The following MIPEP variants were observed in gnomAD, a reference collection of about 807,000 sequenced individuals.
The protein encoded by MIPEP is mitochondrial intermediate peptidase.
Under a neutral mutation model 90.3 loss-of-function variants are expected in MIPEP, and 79 were observed. The observed-to-expected ratio is 0.87, with a 90% CI of 0.73 to 1.05. The LOEUF (loss-of-function observed/expected upper bound fraction) is 1.05. Among genes scored for constraint, MIPEP ranks in the 50% least tolerant of loss-of-function variants. MIPEP has a pLI of 0.00. For synonymous variants in MIPEP, 334 were observed against 315.8 expected, an observed-to-expected ratio of 1.06 and a Z score of -0.61; for missense variants, 940 against 905.6, an observed-to-expected ratio of 1.04 and a Z score of -0.49.
At chr13:23,867,072 A>T (rs1317307977) in intron 7 of MIPEP, among the ~76,000 whole-genome samples, 2 of 152,046 alleles carry the variant, frequency 1.3e-5, no homozygotes, top group African/African-American at 4.8e-5. Context: ...GCCCTCTTCT[A>T]CCCTGGCCCT....
chr13:23,820,301 C>T (rs1236489861), intron 14 of MIPEP, among the ~76,000 whole-genome samples: 1 of 152,160 alleles, frequency 6.6e-6, no homozygotes, highest in Admixed American at 6.5e-5. Context: ...GAAATTCACT[C>T]AAGTAAACAC....
At chr13:23,869,472 A>G in intron 6 of MIPEP, 24 bp from the exon 7 acceptor site, 1 of 1,583,218 alleles carries the variant, frequency 6.3e-7, no homozygotes, top group South Asian at 1.2e-5. Flanking sequence ...GTAAATGGTG[A>G]AGGCTATAAA....
At chr13:23,829,969 G>C (rs1188383300) in intron 14 of MIPEP, among the ~76,000 whole-genome samples, 1 of 152,174 alleles carries the variant, frequency 6.6e-6, no homozygotes, top group African/African-American at 2.4e-5. Flanking sequence ...AGTCAATGAG[G>C]ATGCTGCACG....
chr13:23,843,959 TG>T (rs1289544853), intron 10 of MIPEP, among the ~76,000 whole-genome samples: 3 of 152,010 alleles, frequency 2.0e-5, no homozygotes, highest in African/African-American at 4.8e-5. Context: ...GAGGGGAATC[TG>T]GGTGTGTTTG....
chr13:23,787,359 A>G (rs1411396439), intron 16 of MIPEP, among the ~76,000 whole-genome samples: 1 of 151,144 alleles, frequency 6.6e-6, no homozygotes, highest in Non-Finnish European at 1.5e-5. Context: ...GCATCCTCAC[A>G]TGGTAGGGTG....
chr13:23,771,898 A>G (rs1016558754), intron 16 of MIPEP, among the ~76,000 whole-genome samples: 3 of 152,184 alleles, frequency 2.0e-5, no homozygotes, highest in Admixed American at 2.0e-4. Context: ...AGTACATCCT[A>G]TTAACTTTCC....
At chr13:23,741,721 G>A (rs1952330975) in intron 18 of MIPEP, among the ~76,000 whole-genome samples, 1 of 151,626 alleles carries the variant, frequency 6.6e-6, no homozygotes, top group Non-Finnish European at 1.5e-5. Flanking sequence ...TGGGTACTAG[G>A]CTTAGTACCT....
At chr13:23,822,939 G>T (rs1953325462) in intron 14 of MIPEP, among the ~76,000 whole-genome samples, 1 of 151,504 alleles carries the variant, frequency 6.6e-6, no homozygotes, top group South Asian at 2.1e-4. Flanking sequence ...AGGCTGGAGT[G>T]CAGTGGCATG....
chr13:23,781,968 A>C (rs534849387), intron 16 of MIPEP, among the ~76,000 whole-genome samples: 1 of 152,126 alleles, frequency 6.6e-6, no homozygotes, highest in African/African-American at 2.4e-5. Context: ...GTCCTTAGAG[A>C]TCTACAAAGA....
chr13:23,788,105 A>T (rs1952866824), intron 16 of MIPEP, among the ~76,000 whole-genome samples: 2 of 152,340 alleles, frequency 1.3e-5, no homozygotes, highest in Admixed American at 1.3e-4. Flanking sequence ...AATACTGTGA[A>T]AAATATAAAA....
chr13:23,879,441 C>T (rs1871197405), intron 3 of MIPEP, 87 bp from the exon 4 acceptor site: 1 of 709,424 alleles, frequency 1.4e-6, no homozygotes, highest in South Asian at 1.7e-5. Context: ...TCAGCTTGTA[C>T]CACACACATG....
chr13:23,777,509 A>G (rs537249665), intron 16 of MIPEP, among the ~76,000 whole-genome samples: 4 of 152,356 alleles, frequency 2.6e-5, no homozygotes, highest in Non-Finnish European at 5.9e-5. Context: ...ACAGTATTGT[A>G]CCACAGTTAA....
In MIPEP at chr13:23,882,796, G is replaced by A. The variant is rs865795530; in HGVS notation, c.364-1009C>T. 1.3e-4 allele frequency among the ~76,000 whole-genome samples: 19 copies of A among 151,954 alleles called. No homozygotes were observed. In the Middle Eastern group the frequency reaches 0.014, roughly 112 times the overall value. ...GTTTGGTATATTTGTTGTAACAATT[G>A]GTAACGATAAAATAACATTAGTACC... On this transcript the variant is annotated intron_variant, in intron 2 of 18. Transcript: ENST00000382172.
Position 23,837,576 on chromosome 13 carries a change from G to T in MIPEP, c.1519C>A (p.Arg507Ser). 6.2e-7 allele frequency: 1 copy of T among 1,613,554 alleles called. No homozygotes were observed. Among genetic ancestry groups the T allele is most frequent in the African/African-American group, 1.3e-5 (1 of 75,042 alleles). ...CCAGTGACGTGTTGGTAACGAGTAC[G>T]TCCTAGCATTGAATGCATGGCATGT... ...MGHAMHSMLG[R>S]TRYQHVTGTR... Residue 507 changes from arginine to serine, a missense_variant, in exon 13 of 19, where the codon CGT (arginine) becomes AGT (serine). Physicochemically the swap from Arg to Ser is moderately radical, Grantham distance 110. Coordinates refer to ENST00000382172, the MANE Select transcript of MIPEP (RefSeq NM_005932.4).
intron 16 of MIPEP, among the ~76,000 whole-genome samples, chr13:23,784,328 A>C (rs1952812497): frequency 6.6e-6 from 1 of 152,196 alleles, no homozygotes; most frequent in Non-Finnish European, 1.5e-5. Context: ...CTCAGAAATA[A>C]CACCACACAT....
chr13:23,853,311 G>C (rs992376952), intron 10 of MIPEP, among the ~76,000 whole-genome samples: 1 of 152,128 alleles, frequency 6.6e-6, no homozygotes, highest in African/African-American at 2.4e-5. Context: ...TTTGTGGTAA[G>C]AGCCCTATAC....
chr13:23,886,321 A>G lies in MIPEP; in HGVS notation c.363+12T>C. 6.7e-7 allele frequency: 1 copy of G among 1,495,702 alleles called. No homozygotes were observed. Among genetic ancestry groups the G allele is most frequent in the Non-Finnish European group, 8.9e-7 (1 of 1,118,922 alleles). 92.7% of individuals were successfully genotyped at this position (1,495,702 alleles called of 1,614,324 possible). A position where few individuals can be genotyped will look rare whatever the true frequency, so the allele number is the denominator to read the frequency against. ...AGAGAGGTAGCTTCAAGTCTGAGGTAAAGCACCTTACCAAGTCGGCCACTC... is the reference window on the plus strand; with the variant it reads ...AGAGAGGTAGCTTCAAGTCTGAGGTGAAGCACCTTACCAAGTCGGCCACTC... On this transcript the variant is annotated intron_variant, in intron 2 of 18. Transcript: ENST00000382172.
At chr13:23,739,055 T>C (rs1482195707) in intron 18 of MIPEP, among the ~76,000 whole-genome samples, 1 of 152,244 alleles carries the variant, frequency 6.6e-6, no homozygotes, top group African/African-American at 2.4e-5. Context: ...AAGAAAGATG[T>C]AGACGATTGT....
chr13:23,870,409 T>C (rs1870745630), intron 5 of MIPEP, among the ~76,000 whole-genome samples: 1 of 152,050 alleles, frequency 6.6e-6, no homozygotes, highest in South Asian at 2.1e-4. Flanking sequence ...AACAAAAAGA[T>C]CATACTTATG....
Sources: allele counts gnomAD v4.1 joint callset (sites outside exome capture counted in the v4.1 genomes callset), GRCh38; gene constraint gnomAD v4.1.1; transcripts MANE v1.5; gene names NCBI Gene and HGNC (gene_info 2026-07-23, HGNC 2026-07-21).